The following XRCC5 variants were observed in gnomAD, a reference collection of about 807,000 sequenced individuals.
XRCC5 encodes DNA repair protein Ku80.
Under a neutral mutation model 95.7 loss-of-function variants are expected in XRCC5, and 12 were observed. That is an observed-to-expected ratio of 0.13 (90% confidence interval 0.08 to 0.20). XRCC5 has a LOEUF of 0.20. Ranked by LOEUF, XRCC5 falls within the 10% of genes least tolerant of loss-of-function variation. The pLI is 1.00. For missense variants in XRCC5, 595 were observed against 873.9 expected (o/e 0.68, Z 4.02); for synonymous variants, 281 against 290.3 (o/e 0.97, Z 0.33).
At chr2:216,181,002 G>A (rs1342019643) in intron 16 of XRCC5, among the ~76,000 whole-genome samples, 1 of 151,738 alleles carries the variant, frequency 6.6e-6, no homozygotes, top group African/African-American at 2.4e-5. Context: ...TAGTAGAGAC[G>A]GGGTTTCTCT....
At chr2:216,169,604 A>G (rs1026691949) in intron 16 of XRCC5, among the ~76,000 whole-genome samples, 1 of 152,160 alleles carries the variant, frequency 6.6e-6, no homozygotes, top group Non-Finnish European at 1.5e-5. Context: ...AACATAGTTT[A>G]TTCTTTAAGT....
chr2:216,178,723 A>G (rs1412441372), intron 16 of XRCC5, among the ~76,000 whole-genome samples: 3 of 152,164 alleles, frequency 2.0e-5, no homozygotes, highest in Non-Finnish European at 4.4e-5. Flanking sequence ...ATAGAGCTTT[A>G]TTGTAACCAT....
At chr2:216,204,156 C>T (rs1429981772) in intron 19 of XRCC5, 166 bp from the exon 20 acceptor site, 1 of 729,326 alleles carries the variant, frequency 1.4e-6, no homozygotes. Context: ...TCACCCAAAG[C>T]CAAATGAAGT....
At chr2:216,204,531 AC>A in intron 20 of XRCC5, 135 bp downstream of exon 20, 2 of 828,774 alleles carry the variant, frequency 2.4e-6, no homozygotes, top group Non-Finnish European at 3.9e-6. Flanking sequence ...AGCTTCCTAC[AC>A]CATTATATAT....
At chr2:216,167,567 GGTTTGT>G (rs1456352588) in intron 16 of XRCC5, among the ~76,000 whole-genome samples, 1 of 86,494 alleles carries the variant, frequency 1.2e-5, no homozygotes, top group Non-Finnish European at 2.4e-5. Context: ...TGTGTGTGTG[GGTTTGT>G]GTGTGTGTGT....
Position 216,141,270 on chromosome 2 carries a change from T to G in XRCC5, c.1427T>G (p.Leu476Trp), listed in dbSNP as rs1304160169. 1 of 1,614,032 alleles carries G rather than the reference T, an allele frequency of 6.2e-7. No homozygotes were observed. The highest frequency in any genetic ancestry group is 1.3e-5 in the African/African-American group (1 of 74,922). The change falls in exon 13 of 21, where the codon TTG becomes TGG. Residue 476 changes from leucine (L) to tryptophan (W), a missense_variant. Transcript: ENST00000392132. Reference protein sequence around the residue: ...KDEKTDTLEDLFPTTKIPNPR... With the variant: ...KDEKTDTLEDWFPTTKIPNPR... ...GAGAAGACAGACACCCTTGAAGACT[T>G]GTTTCCAACCACCAAAATCCCAAAT... is the stretch of plus-strand genomic sequence containing the variant.
intron 14 of XRCC5, among the ~76,000 whole-genome samples, chr2:216,154,034 A>T (rs79424062): frequency 4.5e-4 from 68 of 152,298 alleles, no homozygotes; most frequent in African/African-American, 1.6e-3. Flanking sequence ...TACATTCTAT[A>T]TGTAATTGGT....
rs1275895241 is a variant in XRCC5, at chr2:216,152,784, A to C, written c.1670+4508A>C. ...GTGATCTCCCAACTTGAGGATCCTC[A>C]GTAGCCTCCTGAGTAACTCACGCCG... On this transcript the variant is annotated intron_variant, in intron 14 of 20. Transcript: ENST00000392132. Among the ~76,000 whole-genome samples, 5 of 151,776 alleles carry C rather than the reference A, an allele frequency of 3.3e-5. No homozygotes were observed. The East Asian group carries it at 9.7e-4, about 29-fold the overall frequency.
At chr2:216,172,064 G>A (rs1689174638) in intron 16 of XRCC5, among the ~76,000 whole-genome samples, 2 of 152,218 alleles carry the variant, frequency 1.3e-5, no homozygotes, top group Admixed American at 1.3e-4. Flanking sequence ...GCAAGGTGAT[G>A]CTGGCCTACA....
intron 8 of XRCC5, 25 bp from the exon 9 acceptor site, chr2:216,130,850 C>T: frequency 6.5e-7 from 1 of 1,541,546 alleles, no homozygotes; most frequent in Admixed American, 1.8e-5. Context: ...ATATGCTTAA[C>T]AGATGCTCTT....
intron 16 of XRCC5, among the ~76,000 whole-genome samples, chr2:216,168,984 TTTAAA>T (rs1559254606): frequency 6.6e-6 from 1 of 152,264 alleles, no homozygotes; most frequent in Non-Finnish European, 1.5e-5. Context: ...TCCTACACTT[TTTAAA>T]ACAACATTAT....
chr2:216,122,358 T>C, intron 6 of XRCC5, 105 bp downstream of exon 6: 1 of 1,046,550 alleles, frequency 9.6e-7, no homozygotes, highest in Non-Finnish European at 1.4e-6. Flanking sequence ...CACTCTCTAA[T>C]TAGTCATTGC....
rs935438930 is a variant in XRCC5 at position 216,127,736 on chromosome 2, A to G, written c.937+62A>G. The G allele has an allele frequency of 4.0e-6, 6 of 1,490,522 alleles. No individual in the cohort carries two copies. In the African/African-American group the frequency reaches 4.2e-5, roughly 11 times the overall value. 92.3% of individuals were successfully genotyped at this position (1,490,522 alleles called of 1,614,324 possible). A position where few individuals can be genotyped will look rare whatever the true frequency, so the allele number is the denominator to read the frequency against. ...CATTTTCTTCAACATGATGTGATGC[A>G]GGCTGGGGTTTGTATTATTCTTTGT... On this transcript the variant is annotated intron_variant, in intron 8 of 20. Coordinates refer to ENST00000392132, the MANE Select transcript of XRCC5 (RefSeq NM_021141.4).
At chr2:216,201,575 A>C (rs1689834241) in intron 19 of XRCC5, among the ~76,000 whole-genome samples, 1 of 152,206 alleles carries the variant, frequency 6.6e-6, no homozygotes, top group Admixed American at 6.5e-5. Context: ...CTTTTATGGT[A>C]ACCCCAGGTA....
At chr2:216,184,196 T>G (rs1460175368) in intron 16 of XRCC5, among the ~76,000 whole-genome samples, 3 of 152,176 alleles carry the variant, frequency 2.0e-5, no homozygotes, top group Non-Finnish European at 4.4e-5. Context: ...ACCTGTTGTT[T>G]ATTGTCATGG....
rs969218844 is a variant in XRCC5, at chr2:216,117,156, C to T, written c.319+314C>T. ...CTATATGCAGAGGGTTTTAGTGGTG[C>T]TCGTTAGAAATGTTTGGAGGCGGAT... is the stretch of plus-strand genomic sequence containing the variant. On this transcript the variant is annotated intron_variant, in intron 3 of 20. Coordinates refer to ENST00000392132, the MANE Select transcript of XRCC5 (RefSeq NM_021141.4). 4.9e-5 allele frequency: 13 copies of T among 265,680 alleles called. No individual in the cohort carries two copies. In the Admixed American group the frequency reaches 6.3e-4, roughly 13 times the overall value. 16.5% of individuals were successfully genotyped at this position (265,680 alleles called of 1,614,324 possible). A position where few individuals can be genotyped will look rare whatever the true frequency, so the allele number is the denominator to read the frequency against.
intron 16 of XRCC5, among the ~76,000 whole-genome samples, chr2:216,182,628 T>C (rs1177152679): frequency 6.6e-6 from 1 of 152,188 alleles, no homozygotes; most frequent in Non-Finnish European, 1.5e-5. Flanking sequence ...GGCATATATA[T>C]TTCCTAAAAA....
At chr2:216,151,713 TAGTAAG>T (rs1460892214) in intron 14 of XRCC5, among the ~76,000 whole-genome samples, 3 of 152,158 alleles carry the variant, frequency 2.0e-5, no homozygotes, top group African/African-American at 7.2e-5. Flanking sequence ...GCCTAGCAAA[TAGTAAG>T]AACACAGTGT....
At chr2:216,123,621 C>T (rs1001775386) in intron 6 of XRCC5, among the ~76,000 whole-genome samples, 29 of 152,100 alleles carry the variant, frequency 1.9e-4, no homozygotes, top group African/African-American at 6.8e-4. Context: ...GCCCAGCCAG[C>T]GTGGCGAAAC....
Sources: allele counts gnomAD v4.1 joint callset (sites outside exome capture counted in the v4.1 genomes callset), GRCh38; gene constraint gnomAD v4.1.1; transcripts MANE v1.5; gene names NCBI Gene and HGNC (gene_info 2026-07-23, HGNC 2026-07-21).